Variants in TLE1 observed in about 807,000 individuals in gnomAD.
The protein encoded by TLE1 is transducin-like enhancer protein 1.
TLE1 carries 21 observed loss-of-function variants against 89.8 expected under a neutral mutation model. The ratio of observed to expected loss-of-function variants is 0.23; its 90% confidence interval spans 0.17 to 0.34. The LOEUF is 0.34. Ranked by LOEUF, TLE1 falls within the 10% of genes least tolerant of loss-of-function variation. The pLI is 1.00. For missense variants in TLE1, 795 were observed against 1,031.2 expected, an observed-to-expected ratio of 0.77 and a Z score of 3.14; for synonymous variants, 447 against 407.6, an observed-to-expected ratio of 1.10 and a Z score of -1.16.
At chr9:81,671,011 A>G (rs1295993122) in intron 4 of TLE1, among the ~76,000 whole-genome samples, 1 of 151,936 alleles carries the variant, frequency 6.6e-6, no homozygotes, top group Non-Finnish European at 1.5e-5. Context: ...TCTACTAAAA[A>G]TCCAAAATTA....
At chr9:81,622,626 G>T (rs999127851) in intron 8 of TLE1, among the ~76,000 whole-genome samples, 2 of 152,158 alleles carry the variant, frequency 1.3e-5, no homozygotes, top group Non-Finnish European at 2.9e-5. Context: ...TGTAATTTCC[G>T]CTTGAGCGGC....
intron 14 of TLE1, among the ~76,000 whole-genome samples, chr9:81,605,418 A>G (rs1831510310): frequency 6.6e-6 from 1 of 152,140 alleles, no homozygotes; most frequent in Non-Finnish European, 1.5e-5. Flanking sequence ...TATGTTACAA[A>G]TGTACCTATC....
intron 12 of TLE1, chr9:81,612,396 G>T (rs1823832349): frequency 1.0e-6 from 1 of 987,044 alleles, no homozygotes; most frequent in Non-Finnish European, 1.2e-6. Context: ...ATCCAATCCT[G>T]GATTTACGTA....
At chr9:81,617,050 T>C (rs1824615226) in intron 9 of TLE1, among the ~76,000 whole-genome samples, 1 of 151,000 alleles carries the variant, frequency 6.6e-6, no homozygotes, top group South Asian at 2.1e-4. Context: ...AAATCTTTAA[T>C]TTGAGATCTG....
chr9:81,611,670 G>A, intron 13 of TLE1, 99 bp downstream of exon 13: 2 of 1,204,942 alleles, frequency 1.7e-6, no homozygotes, highest in Non-Finnish European at 2.1e-6. Flanking sequence ...GGCTGCTCCT[G>A]CCCACGCAGC....
chr9:81,595,146 A>C (rs551511809), intron 14 of TLE1, among the ~76,000 whole-genome samples: 2 of 152,306 alleles, frequency 1.3e-5, no homozygotes, highest in East Asian at 3.9e-4. Flanking sequence ...AATATAGCTC[A>C]AAGCCCTCAC....
chr9:81,585,761 A>G, intron 17 of TLE1, 106 bp from the exon 18 acceptor site: 2 of 1,408,868 alleles, frequency 1.4e-6, no homozygotes, highest in South Asian at 1.4e-5. Context: ...GGAAGTAATC[A>G]GCCAAGTCCA....
intron 8 of TLE1, among the ~76,000 whole-genome samples, chr9:81,623,160 G>A (rs1341155430): frequency 6.6e-6 from 1 of 152,088 alleles, no homozygotes; most frequent in Non-Finnish European, 1.5e-5. Flanking sequence ...TTTGTTCCCA[G>A]AAACCCAAAA....
At chr9:81,640,748 A>C (rs1253218758) in intron 6 of TLE1, among the ~76,000 whole-genome samples, 2 of 151,106 alleles carry the variant, frequency 1.3e-5, no homozygotes, top group Non-Finnish European at 2.9e-5. Flanking sequence ...GTTTACATTC[A>C]GAGTGTTACT....
At chr9:81,645,689 G>C (rs563067259) in intron 6 of TLE1, among the ~76,000 whole-genome samples, 58 of 149,096 alleles carry the variant, frequency 3.9e-4, no homozygotes, top group African/African-American at 1.2e-3. Flanking sequence ...GTGGTGAGCT[G>C]AGATCAAGCC....
rs753188701 is a variant in TLE1 at position 81,611,761 on chromosome 9, C to T, written c.1254+8G>A. On this transcript the variant is annotated splice_region_variant and intron_variant, in intron 13 of 19. Coordinates refer to ENST00000376499, the MANE Select transcript of TLE1 (RefSeq NM_005077.5). The stretch of plus-strand genomic sequence containing the variant: ...ACCCCAACCACAGCCCACCCGACAG[C>T]GGCCTACCATGGGGGAGCGCCCGTA... The T allele has an allele frequency of 8.1e-5, 123 of 1,510,126 alleles. No homozygotes were observed. Among genetic ancestry groups the T allele is most frequent in the Non-Finnish European group, 9.8e-5 (111 of 1,138,224 alleles). 93.5% of individuals were successfully genotyped at this position (1,510,126 alleles called of 1,614,324 possible).
chr9:81,654,806 T>C (rs900521281), intron 4 of TLE1, among the ~76,000 whole-genome samples: 5 of 152,232 alleles, frequency 3.3e-5, no homozygotes, highest in African/African-American at 4.8e-5. Flanking sequence ...TGCTGACCTC[T>C]TTGCCACTTG....
At chr9:81,653,113 T>C (rs1346453295) in intron 5 of TLE1, among the ~76,000 whole-genome samples, 3 of 152,260 alleles carry the variant, frequency 2.0e-5, no homozygotes, top group African/African-American at 4.8e-5. Flanking sequence ...ACTACTGATA[T>C]ACTCAAAAGG....
chr9:81,662,241 A>C lies in TLE1; in HGVS notation c.235-8205T>G, dbSNP rs541178379. Among the ~76,000 whole-genome samples, 22 of 152,298 alleles carry C rather than the reference A, an allele frequency of 1.4e-4. No individual in the cohort carries two copies. The East Asian group carries it at 4.2e-3, about 29-fold the overall frequency. ...CTAAGAGAACAGTTAAATACGCTAC[A>C]CACCAACCCACAGGCATGGCAAGTA... is the stretch of plus-strand genomic sequence containing the variant. On this transcript the variant is annotated intron_variant, in intron 4 of 19. Transcript: ENST00000376499.
chr9:81,584,702 T>C (rs1828095864), intron 18 of TLE1, among the ~76,000 whole-genome samples, 178 bp from the exon 19 acceptor site: 1 of 152,142 alleles, frequency 6.6e-6, no homozygotes, highest in South Asian at 2.1e-4. Flanking sequence ...TTATCAGTGA[T>C]CTTGGGTATA....
intron 6 of TLE1, among the ~76,000 whole-genome samples, chr9:81,640,309 C>G (rs1827946642): frequency 6.6e-6 from 1 of 152,048 alleles, no homozygotes; most frequent in Admixed American, 6.5e-5. Flanking sequence ...ATTCACTGTC[C>G]TTTCATCGCC....
At chr9:81,667,017 G>T (rs1455559123) in intron 4 of TLE1, among the ~76,000 whole-genome samples, 2 of 152,022 alleles carry the variant, frequency 1.3e-5, no homozygotes, top group Non-Finnish European at 2.9e-5. Flanking sequence ...TACTGGGGAT[G>T]CTTAGGCAAA....
intron 14 of TLE1, among the ~76,000 whole-genome samples, chr9:81,607,486 C>G (rs1229011303): frequency 2.0e-5 from 3 of 152,190 alleles, no homozygotes; most frequent in African/African-American, 7.2e-5. Flanking sequence ...GGCTTAGCAG[C>G]TGAACACACG....
chr9:81,655,903 A>C (rs1830103776), intron 4 of TLE1, among the ~76,000 whole-genome samples: 1 of 152,060 alleles, frequency 6.6e-6, no homozygotes, highest in African/African-American at 2.4e-5. Flanking sequence ...GGAACTTTAC[A>C]ATCAAGCATA....
Sources: gnomAD v4.1 joint callset for allele counts (sites outside exome capture counted in the v4.1 genomes callset) on GRCh38, gnomAD v4.1.1 for gene constraint, MANE v1.5 for transcripts, NCBI Gene and HGNC (gene_info 2026-07-23, HGNC 2026-07-21) for gene names.